The following SNRK variants were observed in gnomAD, a reference collection of about 807,000 sequenced individuals.
The protein encoded by SNRK is SNF-related serine/threonine-protein kinase.
A neutral mutation model predicts 48.2 loss-of-function variants in SNRK; 3 were observed. That is an observed-to-expected ratio of 0.06 (90% CI 0.03 to 0.16). SNRK has a LOEUF of 0.16. Ranked by LOEUF, SNRK falls within the 10% of genes least tolerant of loss-of-function variation. SNRK has a pLI of 1.00. For missense variants in SNRK, 627 were observed against 976.0 expected (o/e 0.64, Z 4.76); for synonymous variants, 376 against 366.1 (o/e 1.03, Z -0.31).
chr3:43,303,171 C>A lies in SNRK; in HGVS notation c.-33C>A. The A allele has an allele frequency of 6.7e-7, 1 of 1,496,062 alleles. No homozygotes were observed. Among genetic ancestry groups the A allele is most frequent in the Non-Finnish European group, 9.2e-7 (1 of 1,088,342 alleles). The allele number at this position is 1,496,062 out of a possible 1,614,324, so 92.7% of individuals were successfully genotyped here. ...CTTATATGAGAAGATCTATTTTAAA[C>A]AGTCTAAATATTTTTTCTTCTGTTG... On this transcript the variant is annotated 5_prime_UTR_variant, in exon 3 of 7. Coordinates refer to ENST00000296088, the MANE Select transcript of SNRK (RefSeq NM_017719.5). This position sits in a 1 kb window ranked among gnomAD's most constrained non-coding sequence, Gnocchi z 6.2.
At chr3:43,313,377 A>T (rs553942620) in intron 3 of SNRK, among the ~76,000 whole-genome samples, 1 of 152,364 alleles carries the variant, frequency 6.6e-6, no homozygotes, top group South Asian at 2.1e-4. Flanking sequence ...AATACTATGC[A>T]GCAATAAAAA....
chr3:43,327,148 A>G (rs2091102903), intron 3 of SNRK, among the ~76,000 whole-genome samples: 2 of 152,218 alleles, frequency 1.3e-5, no homozygotes, highest in Admixed American at 6.5e-5. Flanking sequence ...CCAAAGCTCT[A>G]CATGATTTTG....
intron 3 of SNRK, among the ~76,000 whole-genome samples, chr3:43,309,289 A>T (rs879584114): frequency 3.3e-5 from 5 of 152,208 alleles, no homozygotes; most frequent in Non-Finnish European, 5.9e-5. Context: ...TTAGACTATT[A>T]TGTAAACTTA....
In SNRK at chr3:43,347,948, C is replaced by G. The variant is rs1193797626; in HGVS notation, c.1689C>G (p.Ser563=). The change falls in exon 7 of 7, where the codon TCC becomes TCG. Residue 563 remains serine, a synonymous_variant. Coordinates refer to ENST00000296088, the MANE Select transcript of SNRK (RefSeq NM_017719.5). The surrounding 1 kb of genome is among the most constrained non-coding windows in gnomAD (Gnocchi z 5.4). The part of the protein sequence containing the change: ...RLDKDSGFTY[S]WHRRDSSEGP... ...ATAAAGATAGCGGGTTCACCTACTC[C>G]TGGCACCGACGGGATAGCAGCGAGG... The G allele has an allele frequency of 1.2e-6, 2 of 1,614,000 alleles. No individual in the cohort carries two copies. Among genetic ancestry groups the G allele is most frequent in the Non-Finnish European group, 1.7e-6 (2 of 1,180,036 alleles).
At position 43,303,864 on chromosome 3, in the gene SNRK, C is replaced by T; in HGVS notation, c.589+72C>T. 2 of 1,106,504 alleles carry T rather than the reference C, an allele frequency of 1.8e-6. No individual in the cohort carries two copies. The highest frequency in any genetic ancestry group is 2.6e-6 in the Non-Finnish European group (2 of 764,252). 68.5% of individuals were successfully genotyped at this position (1,106,504 alleles called of 1,614,324 possible). ...AGAGTTGGTCAGATCGGTTGTTTAT[C>T]TAAAAATGATTTCTAGAGAATTTCT... On this transcript the variant is annotated intron_variant, in intron 3 of 6. Transcript: ENST00000296088. The surrounding 1 kb of genome is among the most constrained non-coding windows in gnomAD (Gnocchi z 6.2).
At chr3:43,307,212 A>G (rs1047836042) in intron 3 of SNRK, among the ~76,000 whole-genome samples, 10 of 152,180 alleles carry the variant, frequency 6.6e-5, no homozygotes, top group Non-Finnish European at 1.2e-4. Context: ...TAAAGATATT[A>G]AAAGTTTCTA....
chr3:43,324,704 G>C (rs1210537271), intron 3 of SNRK, among the ~76,000 whole-genome samples: 2 of 151,992 alleles, frequency 1.3e-5, no homozygotes, highest in African/African-American at 4.8e-5. Flanking sequence ...TGTATTTATT[G>C]TAATTCCTAG....
intron 1 of SNRK, among the ~76,000 whole-genome samples, chr3:43,289,114 G>A (rs2090789366): frequency 6.6e-6 from 1 of 152,204 alleles, no homozygotes; most frequent in Non-Finnish European, 1.5e-5. Flanking sequence ...AACAGTAACA[G>A]TACGAACAGA....
chr3:43,319,395 G>A (rs1160650073), intron 3 of SNRK, among the ~76,000 whole-genome samples: 4 of 152,266 alleles, frequency 2.6e-5, no homozygotes, highest in South Asian at 4.1e-4. Context: ...AGAGTGAGAC[G>A]CTCTTCGTAG....
At chr3:43,340,114 T>C (rs1307094443) in intron 4 of SNRK, among the ~76,000 whole-genome samples, 173 bp from the exon 5 acceptor site, 1 of 151,946 alleles carries the variant, frequency 6.6e-6, no homozygotes, top group Non-Finnish European at 1.5e-5. Flanking sequence ...TGATTTTTTA[T>C]TTTATGACTG....
intron 2 of SNRK, among the ~76,000 whole-genome samples, chr3:43,302,835 TACTC>T (rs1559460347): frequency 1.3e-5 from 2 of 152,152 alleles, no homozygotes; most frequent in Non-Finnish European, 1.5e-5. Flanking sequence ...GTTTTCTTAT[TACTC>T]ACATCACCAA....
At chr3:43,318,043 G>A (rs1437765156) in intron 3 of SNRK, among the ~76,000 whole-genome samples, 1 of 152,198 alleles carries the variant, frequency 6.6e-6, no homozygotes, top group Non-Finnish European at 1.5e-5. Flanking sequence ...TTTCTATGGT[G>A]TTGCTGCTGT....
At chr3:43,287,488 A>T (rs1165922529) in intron 1 of SNRK, among the ~76,000 whole-genome samples, 1 of 152,186 alleles carries the variant, frequency 6.6e-6, no homozygotes, top group Non-Finnish European at 1.5e-5. Flanking sequence ...GGGAGAATTT[A>T]GCAGTGGAGT....
At chr3:43,338,741 A>T (rs2091209919) in intron 4 of SNRK, among the ~76,000 whole-genome samples, 1 of 150,136 alleles carries the variant, frequency 6.7e-6, no homozygotes, top group African/African-American at 2.5e-5. Context: ...GTGTCTTTTT[A>T]AATTTTGTTT....
rs1251127501 is a variant in SNRK at position 43,348,737 on chromosome 3, CT to C, written c.*184del. ...TGGTCTTTGTGCATGCTGCTAGACA[CT>C]TTTCTTTCCCAGCCGAAAAGCCTAT... On this transcript the variant is annotated 3_prime_UTR_variant, in exon 7 of 7. Transcript: ENST00000296088. The C allele has an allele frequency of 5.6e-6, 3 of 540,066 alleles. No homozygotes were observed. The highest frequency in any genetic ancestry group is 8.7e-6 in the Non-Finnish European group (3 of 345,664). 33.5% of individuals were successfully genotyped at this position (540,066 alleles called of 1,614,324 possible).
At chr3:43,296,580 ACTC>A (rs1161639024) in intron 1 of SNRK, among the ~76,000 whole-genome samples, 1 of 151,554 alleles carries the variant, frequency 6.6e-6, no homozygotes, top group African/African-American at 2.4e-5. Flanking sequence ...TTTTTGTTCA[ACTC>A]CTCTACTTTC....
intron 2 of SNRK, among the ~76,000 whole-genome samples, chr3:43,301,442 C>T (rs1274989554): frequency 6.6e-6 from 1 of 152,024 alleles, no homozygotes; most frequent in East Asian, 1.9e-4. Flanking sequence ...GTACCTAGAG[C>T]AGCCTATTGC....
chr3:43,336,750 T>C (rs887696616), intron 4 of SNRK, among the ~76,000 whole-genome samples: 5 of 151,672 alleles, frequency 3.3e-5, no homozygotes, highest in African/African-American at 1.2e-4. Flanking sequence ...TGTTTGTTTG[T>C]TTTGGTTTTG....
intron 1 of SNRK, among the ~76,000 whole-genome samples, chr3:43,298,019 C>T (rs1326516099): frequency 2.6e-5 from 4 of 152,068 alleles, no homozygotes; most frequent in East Asian, 3.9e-4. Flanking sequence ...ATGGTGGGAA[C>T]GTCGTCTGTA....
Sources: gnomAD v4.1 joint callset for allele counts (sites outside exome capture counted in the v4.1 genomes callset) on GRCh38, gnomAD v4.1.1 for gene constraint, Gnocchi (gnomAD v3.1) non-coding constraint, MANE v1.5 for transcripts, NCBI Gene and HGNC (gene_info 2026-07-23, HGNC 2026-07-21) for gene names.